The following DYSF variants were observed in gnomAD, a reference collection of about 807,000 sequenced individuals.
DYSF encodes the protein dysferlin, also known as dystrophy-associated fer-1-like 1.
Under a neutral mutation model 274.9 loss-of-function variants are expected in DYSF, and 212 were observed. The ratio of observed to expected loss-of-function variants is 0.77; its 90% CI spans 0.69 to 0.86. DYSF has a LOEUF of 0.86. DYSF is among the 40% of genes least tolerant of loss of function. The pLI is 0.00. For missense variants in DYSF, 2,666 were observed against 2,783.2 expected (o/e 0.96, Z 0.95); for synonymous variants, 1,091 against 1,078.7 (o/e 1.01, Z -0.22).
chr2:71,612,443 C>T (rs906802288), intron 38 of DYSF, among the ~76,000 whole-genome samples, 198 bp from the exon 39 acceptor site: 9 of 152,340 alleles, frequency 5.9e-5, no homozygotes, highest in Non-Finnish European at 1.2e-4. Flanking sequence ...GAAAGCCGGC[C>T]TCTGCATGCA....
intron 23 of DYSF, among the ~76,000 whole-genome samples, chr2:71,563,332 G>A (rs2091894317): frequency 6.6e-6 from 1 of 152,204 alleles, no homozygotes; most frequent in Non-Finnish European, 1.5e-5. Context: ...TGCTTCACCT[G>A]TGCTGCAGGA....
intron 10 of DYSF, among the ~76,000 whole-genome samples, chr2:71,518,724 A>G (rs1254466532): frequency 6.6e-6 from 1 of 152,082 alleles, no homozygotes; most frequent in Admixed American, 6.6e-5. Context: ...TGTATTTTAA[A>G]TATGAATTTA....
intron 41 of DYSF, among the ~76,000 whole-genome samples, chr2:71,641,955 A>G (rs1288056566): frequency 6.6e-6 from 1 of 152,054 alleles, no homozygotes; most frequent in Admixed American, 6.6e-5. Flanking sequence ...AAAAGAAGGT[A>G]TATCTTCTGT....
chr2:71,556,185 GC>G, intron 22 of DYSF, 114 bp downstream of exon 22: 2 of 886,686 alleles, frequency 2.3e-6, no homozygotes, highest in Non-Finnish European at 1.8e-6. Context: ...GCCACGCTTG[GC>G]CAGCAGTCCA....
intron 21 of DYSF, among the ~76,000 whole-genome samples, chr2:71,555,729 A>T (rs1009400280): frequency 2.0e-5 from 3 of 152,158 alleles, no homozygotes; most frequent in Non-Finnish European, 4.4e-5. Flanking sequence ...GCTCCTCATG[A>T]CTACATGTGA....
intron 30 of DYSF, among the ~76,000 whole-genome samples, chr2:71,578,167 C>T (rs538349757): frequency 1.3e-5 from 2 of 152,230 alleles, no homozygotes; most frequent in East Asian, 1.9e-4. Context: ...TGGTGGGCCC[C>T]GAGAATCTCT....
At chr2:71,583,261 CT>C (rs768077743) in intron 30 of DYSF, among the ~76,000 whole-genome samples, 14 of 152,218 alleles carry the variant, frequency 9.2e-5, no homozygotes, top group African/African-American at 2.9e-4. Flanking sequence ...GAGGGGCCCC[CT>C]GACCCCTTTT....
chr2:71,518,155 A>G (rs2086853398), intron 10 of DYSF, among the ~76,000 whole-genome samples: 1 of 152,228 alleles, frequency 6.6e-6, no homozygotes, highest in Non-Finnish European at 1.5e-5. Context: ...ACAGTCCAGA[A>G]GTGAATAGTC....
At chr2:71,535,148 G>A in intron 15 of DYSF, 59 bp downstream of exon 15, 1 of 1,608,186 alleles carries the variant, frequency 6.2e-7, no homozygotes, top group Non-Finnish European at 8.5e-7. Context: ...GCTTCGGGAG[G>A]TCCAGGGCTC....
intron 36 of DYSF, among the ~76,000 whole-genome samples, chr2:71,606,267 G>T (rs544324553): frequency 3.9e-5 from 6 of 152,254 alleles, no homozygotes; most frequent in African/African-American, 1.4e-4. Context: ...CTTGGTCTGG[G>T]CTGGCTTGAT....
chr2:71,539,099 G>A lies in DYSF; in HGVS notation c.1494-58G>A, dbSNP rs369820327. On this transcript the variant is annotated intron_variant, in intron 16 of 55. Transcript: ENST00000410020. ...AACCGAGGCCGCATACTTCCTGGGT[G>A]GGCTGTGGCCTGCAGTTCCTTTCCT... The A allele has an allele frequency of 4.0e-6, 6 of 1,481,730 alleles. No individual in the cohort carries two copies. The East Asian group carries it at 9.0e-5, about 22-fold the overall frequency. The allele number at this position is 1,481,730 out of a possible 1,614,324, so 91.8% of individuals were successfully genotyped here. A position where few individuals can be genotyped will look rare whatever the true frequency, so the allele number is the denominator to read the frequency against.
chr2:71,591,862 G>A (rs528527464), intron 32 of DYSF, among the ~76,000 whole-genome samples: 1 of 152,350 alleles, frequency 6.6e-6, no homozygotes, highest in East Asian at 1.9e-4. Context: ...GCAGCCAGGT[G>A]CGGGGTGGAT....
intron 1 of DYSF, among the ~76,000 whole-genome samples, chr2:71,457,689 A>G (rs955329351): frequency 2.6e-5 from 4 of 152,002 alleles, no homozygotes; most frequent in Non-Finnish European, 4.4e-5. Context: ...CACCCTCTCT[A>G]TATCTGATAG....
At chr2:71,508,298 C>T (rs2085706906) in intron 4 of DYSF, among the ~76,000 whole-genome samples, 1 of 152,162 alleles carries the variant, frequency 6.6e-6, no homozygotes. Flanking sequence ...TCCTACATAA[C>T]CACAACACAG....
At chr2:71,536,833 C>T (rs2089392117) in intron 16 of DYSF, among the ~76,000 whole-genome samples, 1 of 152,198 alleles carries the variant, frequency 6.6e-6, no homozygotes, top group Admixed American at 6.5e-5. Flanking sequence ...CAGAAGAGTG[C>T]TTTCTTCCCA....
intron 3 of DYSF, among the ~76,000 whole-genome samples, chr2:71,491,863 G>T (rs2083884013): frequency 6.6e-6 from 1 of 152,152 alleles, no homozygotes; most frequent in Admixed American, 6.6e-5. Context: ...GAATAGTGCT[G>T]CAATGAACAT....
In DYSF at chr2:71,568,199, G is replaced by A. The variant is rs201622087; in HGVS notation, c.2725G>A (p.Val909Ile). 194 of 1,614,114 alleles carry A rather than the reference G, an allele frequency of 1.2e-4. No homozygotes were observed. Among genetic ancestry groups the A allele is most frequent in the Middle Eastern group, 1.6e-4 (1 of 6,084 alleles). ...TYENETKLAL[V>I]GNWGTTGLTY... ...TGAGAACGAGACTAAGTTGGCCCTT[G>A]TTGGGAACTGGGGCACAACGGGCCT... Residue 909 changes from valine (V) to isoleucine (I), a missense_variant, in exon 26 of 56, where the codon GTT becomes ATT. Physicochemically the swap from Val to Ile is conservative, Grantham distance 29. Coordinates refer to ENST00000410020, the MANE Select transcript of DYSF (RefSeq NM_001130987.2).
At chr2:71,641,953 G>A (rs574009496) in intron 41 of DYSF, among the ~76,000 whole-genome samples, 10 of 152,252 alleles carry the variant, frequency 6.6e-5, no homozygotes, top group African/African-American at 2.4e-4. Flanking sequence ...GGAAAAGAAG[G>A]TATATCTTCT....
intron 17 of DYSF, among the ~76,000 whole-genome samples, chr2:71,548,214 G>A (rs2090635540): frequency 6.6e-6 from 1 of 152,186 alleles, no homozygotes; most frequent in African/African-American, 2.4e-5. Flanking sequence ...CCTCCTTGCT[G>A]TCTTTGCCCT....
Sources: allele counts gnomAD v4.1 joint callset (sites outside exome capture counted in the v4.1 genomes callset), GRCh38; gene constraint gnomAD v4.1.1; transcripts MANE v1.5; gene names NCBI Gene and HGNC (gene_info 2026-07-23, HGNC 2026-07-21).